Variants in LPP observed in about 807,000 individuals in gnomAD.
LPP encodes lipoma-preferred partner.
Under a neutral mutation model 60.4 loss-of-function variants are expected in LPP, and 38 were observed. The observed-to-expected ratio is 0.63, with a 90% confidence interval of 0.49 to 0.83. LPP has a LOEUF of 0.83. LPP is among the 40% of genes least tolerant of loss of function. The pLI is 0.00. For missense variants in LPP, 902 were observed against 783.6 expected, an observed-to-expected ratio of 1.15 and a Z score of -1.80; for synonymous variants, 328 against 290.8, an observed-to-expected ratio of 1.13 and a Z score of -1.30.
intron 3 of LPP, among the ~76,000 whole-genome samples, chr3:188,346,017 T>C (rs1483710727): frequency 2.0e-5 from 3 of 152,076 alleles, no homozygotes; most frequent in Non-Finnish European, 4.4e-5. Context: ...AAAGGAACCC[T>C]CTGATTTTCA....
At chr3:188,168,416 C>G (rs1720644267) in intron 1 of LPP, among the ~76,000 whole-genome samples, 1 of 152,196 alleles carries the variant, frequency 6.6e-6, no homozygotes, top group African/African-American at 2.4e-5. Flanking sequence ...CATCTCTAAA[C>G]TGTGTCTACG....
At chr3:188,615,230 C>G (rs190385594) in intron 7 of LPP, among the ~76,000 whole-genome samples, 41 of 152,282 alleles carry the variant, frequency 2.7e-4, no homozygotes, top group African/African-American at 9.6e-4. Context: ...TGGATTCCAG[C>G]TGATATGTTA....
intron 3 of LPP, among the ~76,000 whole-genome samples, chr3:188,371,641 ATTTTTTT>A (rs1158606459): frequency 6.2e-4 from 20 of 32,164 alleles, no homozygotes; most frequent in South Asian, 6.1e-3. Context: ...ATATATATAT[ATTTTTTT>A]TTTTTTTTTT....
chr3:188,350,880 G>T (rs980562677), intron 3 of LPP, among the ~76,000 whole-genome samples: 1 of 152,092 alleles, frequency 6.6e-6, no homozygotes, highest in African/African-American at 2.4e-5. Context: ...CACCACAGAG[G>T]GCCAGCTCTT....
rs146470312 is a variant in LPP, at chr3:188,453,338, C to T, written c.194-31254C>T. On this transcript the variant is annotated intron_variant, in intron 4 of 11. Transcript: ENST00000617246. ...GTTTGTTTGAGACAGGGTCTCACTC[C>T]GATCACCCAGGCTGGAGTGTAGACC... Among the ~76,000 whole-genome samples, 6 of 152,182 alleles carry T rather than the reference C, an allele frequency of 3.9e-5. No individual in the cohort carries two copies. In the East Asian group the frequency reaches 1.2e-3, roughly 29 times the overall value.
At chr3:188,178,956 T>G (rs1577130760) in intron 1 of LPP, 8 of 244,318 alleles carry the variant, frequency 3.3e-5, no homozygotes, top group African/African-American at 5.2e-5. Context: ...AGGCCAGAGG[T>G]GGGGAGTGGG....
chr3:188,707,707 C>T (rs1402492784), intron 7 of LPP, among the ~76,000 whole-genome samples: 3 of 152,312 alleles, frequency 2.0e-5, no homozygotes, highest in Middle Eastern at 3.4e-3. Flanking sequence ...ACAACTTCCA[C>T]AAGCTCTTTA....
intron 1 of LPP, among the ~76,000 whole-genome samples, chr3:188,222,188 G>A (rs73057617): frequency 0.017 from 2,573 of 152,234 alleles, 66 homozygotes; most frequent in African/African-American, 0.056. Context: ...TTAAAGCAAA[G>A]TACTTAGATA....
chr3:188,428,001 C>G (rs765961805), intron 4 of LPP, among the ~76,000 whole-genome samples: 2 of 152,120 alleles, frequency 1.3e-5, no homozygotes, highest in Non-Finnish European at 2.9e-5. Flanking sequence ...TCTGCCCAAA[C>G]GGTCACCCGG....
chr3:188,310,640 A>G (rs1753111129), intron 2 of LPP, among the ~76,000 whole-genome samples: 1 of 152,168 alleles, frequency 6.6e-6, no homozygotes, highest in Non-Finnish European at 1.5e-5. Context: ...TCCACTGTGA[A>G]ATATGTGAGT....
chr3:188,842,459 C>G (rs1454021832), intron 9 of LPP, among the ~76,000 whole-genome samples: 1 of 151,960 alleles, frequency 6.6e-6, no homozygotes, highest in African/African-American at 2.4e-5. Flanking sequence ...AAATATGTTT[C>G]CCTTTCACTG....
At chr3:188,274,283 C>G (rs962679692) in intron 2 of LPP, among the ~76,000 whole-genome samples, 1 of 152,162 alleles carries the variant, frequency 6.6e-6, no homozygotes, top group Non-Finnish European at 1.5e-5. Flanking sequence ...TAGGAACATG[C>G]TCTGTGTTTC....
At chr3:188,421,382 A>C (rs190630687) in intron 4 of LPP, among the ~76,000 whole-genome samples, 4 of 152,252 alleles carry the variant, frequency 2.6e-5, no homozygotes, top group Admixed American at 2.0e-4. Flanking sequence ...TTTATAGCTA[A>C]AATTGCAAAC....
intron 5 of LPP, among the ~76,000 whole-genome samples, chr3:188,486,001 T>G (rs1313194804): frequency 6.6e-6 from 1 of 152,076 alleles, no homozygotes; most frequent in Non-Finnish European, 1.5e-5. Flanking sequence ...ATTGAATTAT[T>G]GCTCATTAAT....
chr3:188,340,253 G>A (rs1762685018), intron 2 of LPP, among the ~76,000 whole-genome samples: 1 of 152,128 alleles, frequency 6.6e-6, no homozygotes, highest in African/African-American at 2.4e-5. Context: ...GGTCTCATTG[G>A]AGTTATAAAG....
intron 7 of LPP, among the ~76,000 whole-genome samples, chr3:188,658,653 A>G (rs1853905008): frequency 6.6e-6 from 1 of 152,188 alleles, no homozygotes; most frequent in Non-Finnish European, 1.5e-5. Flanking sequence ...TAATAACACA[A>G]AAGACACGGA....
At chr3:188,711,999 G>A (rs1369668193) in intron 8 of LPP, 1 of 152,220 alleles carries the variant, frequency 6.6e-6, no homozygotes, top group African/African-American at 2.4e-5. Flanking sequence ...AACCACTGGA[G>A]TGAAGTGTCC....
chr3:188,524,640 A>G lies in LPP; in HGVS notation c.307-25A>G, dbSNP rs200981362. 133 of 1,596,770 alleles carry G rather than the reference A, an allele frequency of 8.3e-5. 2 individuals carry two copies. The South Asian group carries it at 1.5e-3, about 18-fold the overall frequency. On this transcript the variant is annotated intron_variant, in intron 5 of 11. Coordinates refer to ENST00000617246, the MANE Select transcript of LPP (RefSeq NM_001375462.1). ...GATATCAAGGGAAATTTCCTTTGTTAACATGTCTGTGTTGCTTCCAACAGG... is the reference window on the plus strand; with the variant it reads ...GATATCAAGGGAAATTTCCTTTGTTGACATGTCTGTGTTGCTTCCAACAGG...
intron 9 of LPP, among the ~76,000 whole-genome samples, chr3:188,773,083 C>CACTG (rs1736613125): frequency 6.6e-6 from 1 of 152,194 alleles, no homozygotes; most frequent in Non-Finnish European, 1.5e-5. Flanking sequence ...AGGTCAAACA[C>CACTG]ACTGACTCAC....
Sources: gnomAD v4.1 joint callset for allele counts (sites outside exome capture counted in the v4.1 genomes callset) on GRCh38, gnomAD v4.1.1 for gene constraint, MANE v1.5 for transcripts, NCBI Gene and HGNC (gene_info 2026-07-23, HGNC 2026-07-21) for gene names.